The following CUX1 variants were observed in gnomAD, a reference collection of about 807,000 sequenced individuals.
The protein encoded by CUX1 is cut like homeobox 1.
Under a neutral mutation model 158.8 loss-of-function variants are expected in CUX1, and 31 were observed. The ratio of observed to expected loss-of-function variants is 0.20; its 90% confidence interval spans 0.15 to 0.26. CUX1 has a LOEUF of 0.26. Ranked by LOEUF, CUX1 falls within the 10% of genes least tolerant of loss-of-function variation. The pLI, the probability that CUX1 is intolerant of heterozygous loss-of-function variation, is 1.00. For synonymous variants in CUX1, 879 were observed against 862.1 expected (o/e 1.02, Z -0.34); for missense variants, 1,589 against 2,014.6 (o/e 0.79, Z 4.04).
At chr7:101,992,460 G>C (rs896031228) in intron 2 of CUX1, among the ~76,000 whole-genome samples, 10 of 152,184 alleles carry the variant, frequency 6.6e-5, no homozygotes, top group Non-Finnish European at 5.9e-5. Flanking sequence ...TAACGAGACT[G>C]TTACCTCACC....
intron 1 of CUX1, among the ~76,000 whole-genome samples, chr7:101,899,701 C>T (rs1801935244): frequency 6.6e-6 from 1 of 152,176 alleles, no homozygotes; most frequent in East Asian, 1.9e-4. Context: ...GAACTCACGT[C>T]TAGAGTTCGA....
At chr7:102,145,733 G>A (rs1834959661) in intron 8 of CUX1, among the ~76,000 whole-genome samples, 1 of 152,088 alleles carries the variant, frequency 6.6e-6, no homozygotes, top group African/African-American at 2.4e-5. Context: ...GATCATCTGA[G>A]GTCAGGAGTT....
In CUX1 at chr7:102,022,536, C is replaced by T. The variant is rs1819497164; in HGVS notation, c.142-5562C>T. 4.6e-5 allele frequency among the ~76,000 whole-genome samples: 7 copies of T among 151,378 alleles called. No individual in the cohort carries two copies. In the Admixed American group the frequency reaches 4.6e-4, roughly 10 times the overall value. ...GGGGTGCTGAGATGGGAGGATTGCT[C>T]GTGCCCGGGAGGTCACGACTGCAGT... On this transcript the variant is annotated intron_variant, in intron 2 of 23. Transcript: ENST00000292535.
Position 102,193,889 on chromosome 7 carries a change from A to G in CUX1, c.1124A>G (p.Gln375Arg), listed in dbSNP as rs781991579. The change falls in exon 13 of 24, where the codon CAG (glutamine) becomes CGG (arginine). Residue 375 changes from glutamine to arginine, a missense_variant and splice_region_variant. By Grantham distance (43) the Gln-to-Arg change is conservative. Transcript: ENST00000292535. Reference protein sequence around the residue: ...EFAPSEGAGTQDAAKPLEVLL... With the variant: ...EFAPSEGAGTRDAAKPLEVLL... ...GCACCGTCCGAGGGCGCTGGGACACAGGTACGTGTCTCACCTCAATGGTCA... is the reference window on the plus strand; with the variant it reads ...GCACCGTCCGAGGGCGCTGGGACACGGGTACGTGTCTCACCTCAATGGTCA... The G allele has an allele frequency of 1.9e-6, 3 of 1,613,788 alleles. No individual in the cohort carries two copies. Among genetic ancestry groups the G allele is most frequent in the Admixed American group, 3.3e-5 (2 of 59,986 alleles).
At chr7:102,109,453 A>G (rs1554489463) in intron 6 of CUX1, among the ~76,000 whole-genome samples, 4 of 152,218 alleles carry the variant, frequency 2.6e-5, no homozygotes, top group East Asian at 1.9e-4. Flanking sequence ...TAAATTGGTG[A>G]AAGTTTTTTG....
intron 1 of CUX1, among the ~76,000 whole-genome samples, chr7:101,829,744 T>C (rs1793770032): frequency 6.6e-6 from 1 of 152,136 alleles, no homozygotes; most frequent in Admixed American, 6.5e-5. Flanking sequence ...AGCCTTGCCC[T>C]GGCAAGACTT....
intron 4 of CUX1, among the ~76,000 whole-genome samples, chr7:102,073,874 A>G (rs1826416999): frequency 6.6e-6 from 1 of 152,212 alleles, no homozygotes; most frequent in Admixed American, 6.5e-5. Context: ...GTGGGAGCAA[A>G]GAATGTTTGA....
intron 1 of CUX1, among the ~76,000 whole-genome samples, chr7:101,876,118 G>A (rs938097904): frequency 8.5e-5 from 13 of 152,056 alleles, no homozygotes; most frequent in African/African-American, 3.1e-4. Context: ...GGCCGAAGTG[G>A]GTGGATCACC....
chr7:101,825,640 G>C (rs1464266502), intron 1 of CUX1, among the ~76,000 whole-genome samples: 2 of 152,124 alleles, frequency 1.3e-5, no homozygotes, highest in African/African-American at 2.4e-5. Flanking sequence ...TGCCAGTTAT[G>C]GTTGAATGTC....
chr7:101,992,781 G>A (rs904851536), intron 2 of CUX1, among the ~76,000 whole-genome samples: 3 of 101,198 alleles, frequency 3.0e-5, no homozygotes, highest in African/African-American at 7.5e-5. Context: ...TTCCGCCCCC[G>A]CCGCCCCCCT....
intron 8 of CUX1, among the ~76,000 whole-genome samples, chr7:102,156,107 T>G (rs1789720088): frequency 6.6e-6 from 1 of 152,110 alleles, no homozygotes; most frequent in Non-Finnish European, 1.5e-5. Context: ...TAAGACTACC[T>G]CAAATCGCTG....
intron 1 of CUX1, among the ~76,000 whole-genome samples, chr7:101,859,549 A>T (rs1205368787): frequency 6.6e-6 from 1 of 152,136 alleles, no homozygotes; most frequent in Admixed American, 6.5e-5. Flanking sequence ...TTCTTCCCAA[A>T]TAACTGTATT....
chr7:102,261,724 C>G (rs1391474325), downstream of CUX1, among the ~76,000 whole-genome samples: 1 of 151,846 alleles, frequency 6.6e-6, no homozygotes, highest in Non-Finnish European at 1.5e-5. Flanking sequence ...GGCTGATGAC[C>G]GTGAGCAAGT....
At chr7:101,936,014 T>C (rs187655777) in intron 2 of CUX1, among the ~76,000 whole-genome samples, 4 of 152,246 alleles carry the variant, frequency 2.6e-5, no homozygotes, top group African/African-American at 9.6e-5. Context: ...TCAACAACGA[T>C]CTGTTGTGGA....
At chr7:101,969,791 G>T (rs1358774364) in intron 2 of CUX1, among the ~76,000 whole-genome samples, 2 of 151,952 alleles carry the variant, frequency 1.3e-5, no homozygotes, top group Non-Finnish European at 2.9e-5. Context: ...GTATACTTCT[G>T]GAACCTGCTT....
Position 101,970,380 on chromosome 7 carries a change from G to C in CUX1, c.141+54155G>C, listed in dbSNP as rs184957704. ...TTGGCCCGGGGGTGCGTTGGAGGGG[G>C]CTGTTCCCACCTGCAGTTCCTAAAG... is the stretch of plus-strand genomic sequence containing the variant. On this transcript the variant is annotated intron_variant, in intron 2 of 23. Coordinates refer to ENST00000292535, the MANE Select transcript of CUX1 (RefSeq NM_181552.4). Among the ~76,000 whole-genome samples the C allele has an allele frequency of 7.5e-3, 1,139 of 152,108 alleles. 6 individuals carry two copies. The highest frequency in any genetic ancestry group is 0.012 in the Non-Finnish European group (841 of 67,996).
At chr7:101,951,026 T>C (rs990932215) in intron 2 of CUX1, among the ~76,000 whole-genome samples, 4 of 152,186 alleles carry the variant, frequency 2.6e-5, no homozygotes, top group Non-Finnish European at 5.9e-5. Context: ...ATTGATTAAC[T>C]TCGCTGGTTA....
chr7:101,896,623 C>T (rs149667246), intron 1 of CUX1, among the ~76,000 whole-genome samples: 26 of 152,072 alleles, frequency 1.7e-4, no homozygotes, highest in African/African-American at 5.6e-4. Context: ...ACACAGCTAC[C>T]GTCACTAATA....
downstream of CUX1, among the ~76,000 whole-genome samples, chr7:102,258,912 G>C (rs546487579): frequency 2.0e-5 from 3 of 152,270 alleles, no homozygotes; most frequent in East Asian, 1.9e-4. Context: ...GGCTGGAGGT[G>C]GGGGGAGAGC....
Sources: gnomAD v4.1 joint callset for allele counts (sites outside exome capture counted in the v4.1 genomes callset) on GRCh38, gnomAD v4.1.1 for gene constraint, MANE v1.5 for transcripts, NCBI Gene and HGNC (gene_info 2026-07-23, HGNC 2026-07-21) for gene names.